Variants in ACTR3C observed in about 807,000 individuals in gnomAD.
ACTR3C encodes actin-related protein 3C.
Under a neutral mutation model 26.3 loss-of-function variants are expected in ACTR3C, and 18 were observed. That is an observed-to-expected ratio of 0.68 (90% CI 0.47 to 1.01). The LOEUF (loss-of-function observed/expected upper bound fraction) is 1.01, where lower values mean the gene tolerates loss of function less well. ACTR3C is among the 50% of genes least tolerant of loss of function. The pLI is 0.00. For missense variants in ACTR3C, 184 were observed against 250.7 expected (o/e 0.73, Z 1.80); for synonymous variants, 55 against 94.5 (o/e 0.58, Z 2.42).
the ACTR3C span, among the ~76,000 whole-genome samples, chr7:150,109,205 T>A: frequency 6.6e-5 from 10 of 151,992 alleles, no homozygotes; most frequent in East Asian, 1.7e-3. Context: ...TAACACTTCA[T>A]TTTTTAGCTA....
the ACTR3C span, among the ~76,000 whole-genome samples, chr7:149,923,418 A>G: frequency 3.3e-5 from 5 of 152,200 alleles, no homozygotes; most frequent in African/African-American, 9.7e-5. Flanking sequence ...ACAAATATAT[A>G]TATATCTATA....
At chr7:150,138,013 T>C in the ACTR3C span, among the ~76,000 whole-genome samples, 7 of 152,138 alleles carry the variant, frequency 4.6e-5, no homozygotes, top group African/African-American at 1.7e-4. Context: ...CAAGAACATT[T>C]GGAGGAGCAA....
At chr7:150,001,379 C>G in the ACTR3C span, 1 of 152,282 alleles carries the variant, frequency 6.6e-6, no homozygotes, top group Non-Finnish European at 1.5e-5. Context: ...GCGCCCCCTG[C>G]GGGAAACGTT....
the ACTR3C span, among the ~76,000 whole-genome samples, chr7:150,039,554 G>C: frequency 6.1e-5 from 8 of 130,820 alleles, no homozygotes; most frequent in Admixed American, 8.1e-5. Flanking sequence ...AGAGCCAGGG[G>C]GGGAAGAGGG....
chr7:150,029,402 ACAAAAAAAAAAAAAACAAAC>A, the ACTR3C span, among the ~76,000 whole-genome samples: 51 of 116,164 alleles, frequency 4.4e-4, no homozygotes, highest in African/African-American at 1.6e-3. Flanking sequence ...TTTATCAAAA[ACAAAAAAAAAAAAAACAAAC>A]AAAAAAAAAC....
chr7:150,303,381 C>A (rs988758694), intron 1 of ACTR3C, among the ~76,000 whole-genome samples: 4 of 152,186 alleles, frequency 2.6e-5, no homozygotes, highest in African/African-American at 9.7e-5. Flanking sequence ...TTAGCCACAC[C>A]AGAGAGCTGC....
the ACTR3C span, among the ~76,000 whole-genome samples, chr7:149,887,009 G>C: frequency 2.0e-5 from 3 of 151,616 alleles, no homozygotes; most frequent in Non-Finnish European, 4.4e-5. Flanking sequence ...AATACATAAG[G>C]AAGAGATGAG....
At chr7:150,006,449 G>A in the ACTR3C span, among the ~76,000 whole-genome samples, 12 of 148,472 alleles carry the variant, frequency 8.1e-5, no homozygotes, top group South Asian at 4.4e-4. Context: ...CGCCCGCCTC[G>A]GCCTCCCAAA....
intron 6 of ACTR3C, among the ~76,000 whole-genome samples, chr7:150,279,123 C>T (rs762177769): frequency 6.6e-6 from 1 of 152,134 alleles, no homozygotes; most frequent in African/African-American, 2.4e-5. Flanking sequence ...GGCAAGAGAG[C>T]AAGACCTCAA....
At chr7:149,906,707 C>T in the ACTR3C span, among the ~76,000 whole-genome samples, 1 of 132,248 alleles carries the variant, frequency 7.6e-6, no homozygotes, top group Non-Finnish European at 1.6e-5. Context: ...GTTAGGATTA[C>T]AGGCGTGAGC....
the ACTR3C span, among the ~76,000 whole-genome samples, chr7:150,039,387 AACCC>A: frequency 1.9e-5 from 2 of 106,082 alleles, no homozygotes; most frequent in Non-Finnish European, 4.1e-5. Context: ...GGGTCCTAAG[AACCC>A]GGGGGGGAAG....
the ACTR3C span, among the ~76,000 whole-genome samples, chr7:150,209,976 A>G: frequency 6.6e-6 from 1 of 150,752 alleles, no homozygotes; most frequent in African/African-American, 2.5e-5. Context: ...GACTGGAAGA[A>G]ACTTTGCAAA....
At chr7:149,968,929 T>C in the ACTR3C span, among the ~76,000 whole-genome samples, 62 of 152,218 alleles carry the variant, frequency 4.1e-4, no homozygotes, top group African/African-American at 1.4e-3. Context: ...GGAGACGTTC[T>C]TGGGCTTTCT....
the ACTR3C span, among the ~76,000 whole-genome samples, chr7:149,956,392 CTTTT>C: frequency 4.0e-5 from 6 of 151,530 alleles, no homozygotes; most frequent in African/African-American, 1.5e-4. Context: ...CCTCATCTCT[CTTTT>C]TAATATAAAA....
the ACTR3C span, among the ~76,000 whole-genome samples, chr7:149,897,294 CATA>C: frequency 6.6e-6 from 1 of 152,116 alleles, no homozygotes; most frequent in Non-Finnish European, 1.5e-5. Flanking sequence ...GCTAAACAAA[CATA>C]ATAAAAGTAA....
the ACTR3C span, among the ~76,000 whole-genome samples, chr7:150,006,282 C>T: frequency 6.6e-6 from 1 of 151,608 alleles, no homozygotes; most frequent in African/African-American, 2.4e-5. Context: ...CTGCAAGCTC[C>T]ACCTCCTGGG....
chr7:149,930,671 G>A, the ACTR3C span, among the ~76,000 whole-genome samples: 5 of 152,236 alleles, frequency 3.3e-5, no homozygotes, highest in Non-Finnish European at 7.3e-5. Flanking sequence ...AAGATGAATG[G>A]TCTGTTCGCT....
At chr7:150,124,217 A>C in the ACTR3C span, among the ~76,000 whole-genome samples, 1 of 152,196 alleles carries the variant, frequency 6.6e-6, no homozygotes, top group Non-Finnish European at 1.5e-5. Context: ...TACTTTCACT[A>C]TAACACTATT....
At chr7:149,928,202 C>CT in the ACTR3C span, among the ~76,000 whole-genome samples, 49,692 of 137,876 alleles carry the variant, frequency 0.36, 9,147 homozygotes, top group South Asian at 0.4. Context: ...TTTTTCTTTT[C>CT]TTTTTTTTTT....
Sources: gnomAD v4.1 joint callset for allele counts (sites outside exome capture counted in the v4.1 genomes callset) on GRCh38, gnomAD v4.1.1 for gene constraint, MANE v1.5 for transcripts, NCBI Gene and HGNC (gene_info 2026-07-23, HGNC 2026-07-21) for gene names.